Variants in PRKN observed in about 807,000 individuals in gnomAD.
PRKN encodes the protein E3 ubiquitin-protein ligase parkin.
PRKN carries 56 observed loss-of-function variants against 59.5 expected under a neutral mutation model. That is an observed-to-expected ratio of 0.94 (90% CI 0.76 to 1.18). The LOEUF (loss-of-function observed/expected upper bound fraction) is 1.18. PRKN is among the 50% of genes most tolerant of loss of function. PRKN has a pLI of 0.00. For synonymous variants in PRKN, 250 were observed against 222.1 expected (o/e 1.13, Z -1.12); for missense variants, 657 against 596.4 (o/e 1.10, Z -1.06).
chr6:161,665,629 A>G lies in PRKN; in HGVS notation c.872-96213T>C, dbSNP rs139135572. On this transcript the variant is annotated intron_variant, in intron 7 of 11. Transcript: ENST00000366898. ...TAGGTCACCCAACCTTGTTCATTCT[A>G]CATCAAAATCTCCTTTGGAAGTTGG... Among the ~76,000 whole-genome samples the G allele has an allele frequency of 7.3e-3, 1,109 of 152,290 alleles. 18 individuals carry two copies. The highest frequency in any genetic ancestry group is 0.024 in the Middle Eastern group (7 of 294).
At position 161,423,698 on chromosome 6, in the gene PRKN, T is replaced by C. The variant is rs755037157; in HGVS notation, c.1084-36821A>G. On this transcript the variant is annotated intron_variant, in intron 9 of 11. Transcript: ENST00000366898. This position sits in a 1 kb window ranked among gnomAD's most constrained non-coding sequence, Gnocchi z 5.9. The stretch of plus-strand genomic sequence containing the variant: ...TACAGCAGGGCCTTACCATGGCTCA[T>C]TGTCCCACCAGTCCCTTCCACTGCT... Among the ~76,000 whole-genome samples the C allele has an allele frequency of 2.6e-5, 4 of 152,162 alleles. No homozygotes were observed. Among genetic ancestry groups the C allele is most frequent in the Non-Finnish European group, 4.4e-5 (3 of 68,026 alleles).
chr6:162,158,701 G>A (rs1782631579), intron 4 of PRKN, among the ~76,000 whole-genome samples: 1 of 151,954 alleles, frequency 6.6e-6, no homozygotes, highest in African/African-American at 2.4e-5. Context: ...AAAGGGCTGG[G>A]ATTACAGGTG....
At chr6:161,595,324 TG>T (rs1189391255) in intron 7 of PRKN, among the ~76,000 whole-genome samples, 1 of 151,626 alleles carries the variant, frequency 6.6e-6, no homozygotes, top group East Asian at 1.9e-4. Context: ...ACCCACAGTG[TG>T]GGGCGAGATG....
At position 161,529,702 on chromosome 6, in the gene PRKN, C is replaced by A. The variant is rs12529813; in HGVS notation, c.1083+19152G>T. 1.3e-5 allele frequency among the ~76,000 whole-genome samples: 2 copies of A among 152,058 alleles called. No individual in the cohort carries two copies. Among genetic ancestry groups the A allele is most frequent in the African/African-American group, 4.8e-5 (2 of 41,362 alleles). On this transcript the variant is annotated intron_variant, in intron 9 of 11. Coordinates refer to ENST00000366898, the MANE Select transcript of PRKN (RefSeq NM_004562.3). This position sits in a 1 kb window ranked among gnomAD's most constrained non-coding sequence, Gnocchi z 4.4. ...ATAAGTTGTCTTCTGCAAAATAAGACACAAAAATAGTTTTGAAATCAAAAA... is the reference window on the plus strand; with the variant it reads ...ATAAGTTGTCTTCTGCAAAATAAGAAACAAAAATAGTTTTGAAATCAAAAA...
intron 7 of PRKN, among the ~76,000 whole-genome samples, chr6:161,693,104 A>G (rs944069475): frequency 2.6e-5 from 4 of 152,176 alleles, no homozygotes; most frequent in African/African-American, 9.6e-5. Flanking sequence ...TGTCTTTAGA[A>G]TTAAAAAAAC....
intron 6 of PRKN, among the ~76,000 whole-genome samples, chr6:161,810,110 G>A (rs1341004227): frequency 6.6e-6 from 1 of 152,114 alleles, no homozygotes; most frequent in African/African-American, 2.4e-5. Context: ...GGCCTTCAAA[G>A]AGTTAATTAA....
Position 161,937,450 on chromosome 6 carries a change from G to C in PRKN, c.734+35852C>G, listed in dbSNP as rs115681976. Among the ~76,000 whole-genome samples, 932 of 152,280 alleles carry C rather than the reference G, an allele frequency of 6.1e-3. 9 individuals carry two copies. Among genetic ancestry groups the C allele is most frequent in the African/African-American group, 0.021 (890 of 41,556 alleles). On this transcript the variant is annotated intron_variant, in intron 6 of 11. Transcript: ENST00000366898. Reference sequence around the variant, plus strand: ...AGCTTTTAAGTCTTTATCATCTATAGTCACTTGTTTCACTCTGATGCTTTT... The same window carrying C: ...AGCTTTTAAGTCTTTATCATCTATACTCACTTGTTTCACTCTGATGCTTTT...
intron 1 of PRKN, among the ~76,000 whole-genome samples, chr6:162,714,552 T>C (rs1253777964): frequency 6.6e-6 from 1 of 152,228 alleles, no homozygotes; most frequent in Non-Finnish European, 1.5e-5. Context: ...CCATGTTTCC[T>C]CCATCAATCA....
At chr6:161,837,154 T>C (rs1792791242) in intron 6 of PRKN, among the ~76,000 whole-genome samples, 2 of 151,960 alleles carry the variant, frequency 1.3e-5, no homozygotes, top group African/African-American at 4.8e-5. Context: ...TGTAGCCTCC[T>C]CCCCCCTCAT....
At position 162,167,574 on chromosome 6, in the gene PRKN, G is replaced by A. The variant is rs374202263; in HGVS notation, c.534+33557C>T. ...AAACAGTCAGTAACTTGGCTAAAGC[G>A]AGCTTTGGATTATTTGTCAATTCTG... is the stretch of plus-strand genomic sequence containing the variant. On this transcript the variant is annotated intron_variant, in intron 4 of 11. Coordinates refer to ENST00000366898, the MANE Select transcript of PRKN (RefSeq NM_004562.3). Among the ~76,000 whole-genome samples the A allele has an allele frequency of 2.6e-5, 4 of 151,370 alleles. No individual in the cohort carries two copies. In the East Asian group the frequency reaches 5.8e-4, roughly 22 times the overall value.
At chr6:162,690,039 A>G (rs1226558411) in intron 1 of PRKN, among the ~76,000 whole-genome samples, 3 of 150,276 alleles carry the variant, frequency 2.0e-5, no homozygotes, top group Non-Finnish European at 4.4e-5. Flanking sequence ...TGTGGGTTAA[A>G]TAAGAGCATT....
intron 5 of PRKN, among the ~76,000 whole-genome samples, chr6:162,003,110 T>C (rs1267549312): frequency 6.6e-6 from 1 of 151,556 alleles, no homozygotes; most frequent in African/African-American, 2.4e-5. Flanking sequence ...GTGGAAGTGG[T>C]CTATAGAGGT....
rs527723139 is a variant in PRKN at position 162,573,846 on chromosome 6, C to T, written c.8-130373G>A. On this transcript the variant is annotated intron_variant, in intron 1 of 11. Coordinates refer to ENST00000366898, the MANE Select transcript of PRKN (RefSeq NM_004562.3). Reference sequence around the variant, plus strand: ...GTGATCATTTATGTAACACAAAGCTCGCTGCTTGCAGAGTAGAATTAACAA... The same window carrying T: ...GTGATCATTTATGTAACACAAAGCTTGCTGCTTGCAGAGTAGAATTAACAA... 6.6e-5 allele frequency among the ~76,000 whole-genome samples: 10 copies of T among 152,240 alleles called. No individual in the cohort carries two copies. In the South Asian group the frequency reaches 8.3e-4, roughly 13 times the overall value.
At chr6:161,589,226 G>A (rs542823278) in intron 7 of PRKN, among the ~76,000 whole-genome samples, 45 of 152,304 alleles carry the variant, frequency 3.0e-4, no homozygotes, top group South Asian at 1.4e-3. Flanking sequence ...GAGACGCCCC[G>A]CTGCTGAGAG....
chr6:162,653,772 C>T (rs1393993862), intron 1 of PRKN, among the ~76,000 whole-genome samples: 1 of 152,152 alleles, frequency 6.6e-6, no homozygotes, highest in African/African-American at 2.4e-5. Flanking sequence ...TATAAAGCCA[C>T]AGTATTCTAA....
At chr6:162,370,608 G>T (rs1001930271) in intron 2 of PRKN, among the ~76,000 whole-genome samples, 8 of 152,170 alleles carry the variant, frequency 5.3e-5, no homozygotes, top group Non-Finnish European at 1.2e-4. Context: ...TTGGAGAAAT[G>T]AACTTACAAA....
chr6:162,308,218 G>A (rs890975901), intron 2 of PRKN, among the ~76,000 whole-genome samples: 1 of 152,130 alleles, frequency 6.6e-6, no homozygotes, highest in Non-Finnish European at 1.5e-5. Flanking sequence ...ATGAAATGCA[G>A]CCACTGTGGC....
At chr6:162,111,548 A>C (rs1184345088) in intron 4 of PRKN, among the ~76,000 whole-genome samples, 2 of 152,058 alleles carry the variant, frequency 1.3e-5, no homozygotes, top group East Asian at 3.9e-4. Context: ...ACATACATAC[A>C]CACATGTATC....
chr6:162,092,005 CA>C (rs142715493), intron 4 of PRKN, among the ~76,000 whole-genome samples: 13,329 of 152,056 alleles, frequency 0.088, 714 homozygotes, highest in Middle Eastern at 0.15. Flanking sequence ...CACTGCACTC[CA>C]GCCTGGGCAA....
Sources: gnomAD v4.1 joint callset for allele counts (sites outside exome capture counted in the v4.1 genomes callset) on GRCh38, gnomAD v4.1.1 for gene constraint, Gnocchi (gnomAD v3.1) non-coding constraint, MANE v1.5 for transcripts, NCBI Gene and HGNC (gene_info 2026-07-23, HGNC 2026-07-21) for gene names.